Variants in DNAJC13 observed in about 807,000 individuals in gnomAD.
DNAJC13 encodes dnaJ homolog subfamily C member 13.
Under a neutral mutation model 290.5 loss-of-function variants are expected in DNAJC13, and 75 were observed. The ratio of observed to expected loss-of-function variants is 0.26; its 90% CI spans 0.21 to 0.31. The LOEUF (loss-of-function observed/expected upper bound fraction) is 0.31. DNAJC13 is among the 10% of genes least tolerant of loss of function. The pLI, the probability that DNAJC13 is intolerant of heterozygous loss-of-function variation, is 1.00. For synonymous variants in DNAJC13, 862 were observed against 892.0 expected (o/e 0.97, Z 0.60); for missense variants, 2,260 against 2,674.5 (o/e 0.85, Z 3.42).
intron 9 of DNAJC13, among the ~76,000 whole-genome samples, chr3:132,454,874 T>C (rs1933543856): frequency 6.6e-6 from 1 of 152,220 alleles, no homozygotes; most frequent in African/African-American, 2.4e-5. Context: ...TACGTTATCT[T>C]GCTTTGTCCT....
At chr3:132,471,333 G>A (rs1409386224) in intron 20 of DNAJC13, among the ~76,000 whole-genome samples, 9 of 144,688 alleles carry the variant, frequency 6.2e-5, no homozygotes, top group Admixed American at 4.8e-4. Flanking sequence ...CGGCTGGCCG[G>A]GCGGGGGGTT....
rs760139438 is a variant in DNAJC13 at position 132,507,372 on chromosome 3, A to G, written c.5115+19A>G. ...ACTGGAGGTAAGCTCTCTGCTTTTA[A>G]TTTTACCTGATACCTTTGATCATTT... On this transcript the variant is annotated intron_variant, in intron 43 of 55. Transcript: ENST00000260818. 1.3e-5 allele frequency: 17 copies of G among 1,299,020 alleles called. No homozygotes were observed. Among genetic ancestry groups the G allele is most frequent in the Non-Finnish European group, 1.9e-5 (17 of 896,100 alleles). 80.5% of individuals were successfully genotyped at this position (1,299,020 alleles called of 1,614,324 possible). A position where few individuals can be genotyped will look rare whatever the true frequency, so the allele number is the denominator to read the frequency against.
intron 16 of DNAJC13, among the ~76,000 whole-genome samples, chr3:132,462,740 A>G (rs1933840784): frequency 6.6e-6 from 1 of 152,220 alleles, no homozygotes; most frequent in Non-Finnish European, 1.5e-5. Flanking sequence ...TGTAGAGCAA[A>G]TAAATCTGTT....
chr3:132,437,793 C>T (rs1939419287), intron 2 of DNAJC13, among the ~76,000 whole-genome samples: 1 of 152,060 alleles, frequency 6.6e-6, no homozygotes, highest in Non-Finnish European at 1.5e-5. Context: ...TTCCTGGTCT[C>T]TTGCATTTCC....
chr3:132,538,301 T>C lies in DNAJC13; in HGVS notation c.*19T>C. 6.2e-7 allele frequency: 1 copy of C among 1,603,222 alleles called. No homozygotes were observed. Among genetic ancestry groups the C allele is most frequent in the Non-Finnish European group, 8.5e-7 (1 of 1,172,200 alleles). ...GACTTGAAATATTCACGAGAGACAATAAACGCTGAAAGGCCAGTGCCAAGT... is the reference window on the plus strand; with the variant it reads ...GACTTGAAATATTCACGAGAGACAACAAACGCTGAAAGGCCAGTGCCAAGT... On this transcript the variant is annotated 3_prime_UTR_variant, in exon 56 of 56. Coordinates refer to ENST00000260818, the MANE Select transcript of DNAJC13 (RefSeq NM_015268.4).
At position 132,526,209 on chromosome 3, in the gene DNAJC13, A is replaced by G. The variant is rs779094963; in HGVS notation, c.6309A>G (p.Ala2103=). 8.7e-6 allele frequency: 14 copies of G among 1,614,144 alleles called. No homozygotes were observed. In the South Asian group the frequency reaches 1.4e-4, roughly 16 times the overall value. ...TGATGAATGGAATGAAAAAGCGAGC[A>G]GATACTGTTGGTCTAGCCTGTGAAG... is the stretch of plus-strand genomic sequence containing the variant. ...GPLMNGMKKR[A]DTVGLACEAI... Residue 2103 remains alanine (A), a synonymous_variant, in exon 53 of 56, where the codon GCA becomes GCG. Transcript: ENST00000260818.
intron 33 of DNAJC13, among the ~76,000 whole-genome samples, chr3:132,493,850 AAAAT>A (rs1935142737): frequency 6.6e-6 from 1 of 152,146 alleles, no homozygotes; most frequent in Non-Finnish European, 1.5e-5. Context: ...CATGTAAAAA[AAAAT>A]AAATCTTAAT....
chr3:132,473,362 A>C, intron 21 of DNAJC13, 135 bp downstream of exon 21: 1 of 620,174 alleles, frequency 1.6e-6, no homozygotes. Flanking sequence ...AGGAACTATA[A>C]CTGTTAAGAT....
chr3:132,433,855 C>T (rs1309073535), intron 1 of DNAJC13, among the ~76,000 whole-genome samples: 1 of 152,176 alleles, frequency 6.6e-6, no homozygotes, highest in Non-Finnish European at 1.5e-5. Context: ...GAGAGTTGGA[C>T]AATCACAATA....
chr3:132,514,543 T>A, intron 45 of DNAJC13, 28 bp from the exon 46 acceptor site: 1 of 1,544,122 alleles, frequency 6.5e-7, no homozygotes, highest in East Asian at 2.3e-5. Context: ...TTTCTGAAAC[T>A]TTTACTATCC....
In DNAJC13 at chr3:132,473,243, C is replaced by T. The variant is rs779496663; in HGVS notation, c.2291+16C>T. The T allele has an allele frequency of 3.9e-6, 6 of 1,525,378 alleles. No individual in the cohort carries two copies. The highest frequency in any genetic ancestry group is 5.4e-6 in the Non-Finnish European group (6 of 1,113,028). The allele number at this position is 1,525,378 out of a possible 1,614,324, so 94.5% of individuals were successfully genotyped here. A position where few individuals can be genotyped will look rare whatever the true frequency, so the allele number is the denominator to read the frequency against. ...TCTATTATAGGTAAACTTTAGGTCT[C>T]TTTTCCAATAAAGATTAAATTTAGT... On this transcript the variant is annotated intron_variant, in intron 21 of 55. Coordinates refer to ENST00000260818, the MANE Select transcript of DNAJC13 (RefSeq NM_015268.4).
chr3:132,447,835 G>GA, intron 4 of DNAJC13, 63 bp from the exon 5 acceptor site: 1 of 1,330,018 alleles, frequency 7.5e-7, no homozygotes. Context: ...GAGTAGAAGG[G>GA]AGTGAGCCAA....
chr3:132,442,685 C>T (rs558518979), intron 2 of DNAJC13, among the ~76,000 whole-genome samples: 7 of 152,220 alleles, frequency 4.6e-5, no homozygotes, highest in Non-Finnish European at 1.0e-4. Context: ...CTAATGGTAA[C>T]ATAAGTTATG....
At chr3:132,496,986 T>C (rs979490883) in intron 36 of DNAJC13, among the ~76,000 whole-genome samples, 3 of 152,238 alleles carry the variant, frequency 2.0e-5, no homozygotes, top group African/African-American at 7.2e-5. Flanking sequence ...GAATCTGGAA[T>C]TTAAAGATCA....
chr3:132,496,452 G>A, intron 35 of DNAJC13, 76 bp from the exon 36 acceptor site: 1 of 1,277,860 alleles, frequency 7.8e-7, no homozygotes, highest in African/African-American at 1.5e-5. Flanking sequence ...CTGATAAAAT[G>A]CAAACCATAT....
rs924752191 is a variant in DNAJC13 at position 132,457,251 on chromosome 3, T to C, written c.1350-18T>C. 1 of 1,582,548 alleles carries C rather than the reference T, an allele frequency of 6.3e-7. No individual in the cohort carries two copies. Among genetic ancestry groups the C allele is most frequent in the African/African-American group, 1.4e-5 (1 of 73,292 alleles). The stretch of plus-strand genomic sequence containing the variant: ...TGTTCTGGTATTGCTAGTATATGCT[T>C]GTTTTTTGTTCCAAAAGGTTTCGCG... On this transcript the variant is annotated intron_variant, in intron 12 of 55. Coordinates refer to ENST00000260818, the MANE Select transcript of DNAJC13 (RefSeq NM_015268.4).
At chr3:132,425,126 G>T (rs903975079) in intron 1 of DNAJC13, among the ~76,000 whole-genome samples, 18 of 152,040 alleles carry the variant, frequency 1.2e-4, no homozygotes, top group African/African-American at 3.9e-4. Flanking sequence ...AACAAACCTA[G>T]ATCCTCAAGA....
intron 54 of DNAJC13, among the ~76,000 whole-genome samples, chr3:132,529,516 G>A (rs1323766253): frequency 2.6e-5 from 4 of 152,120 alleles, no homozygotes; most frequent in Admixed American, 1.3e-4. Flanking sequence ...GGCTGGGCGC[G>A]GTGGCTCACG....
At chr3:132,426,637 C>T (rs1559863551) in intron 1 of DNAJC13, among the ~76,000 whole-genome samples, 1 of 152,092 alleles carries the variant, frequency 6.6e-6, no homozygotes, top group Non-Finnish European at 1.5e-5. Context: ...GCTTCTGATA[C>T]TAGAAATTTT....
Sources: allele counts gnomAD v4.1 joint callset (sites outside exome capture counted in the v4.1 genomes callset), GRCh38; gene constraint gnomAD v4.1.1; transcripts MANE v1.5; gene names NCBI Gene and HGNC (gene_info 2026-07-23, HGNC 2026-07-21).